Variants in LHFPL3 observed in about 807,000 individuals in gnomAD.
LHFPL3 encodes LHFPL tetraspan subfamily member 3, also known as LHFPL tetraspan subfamily member 3 protein.
A neutral mutation model predicts 19.3 loss-of-function variants in LHFPL3; 5 were observed. The observed-to-expected ratio is 0.26, with a 90% CI of 0.14 to 0.54. The LOEUF (loss-of-function observed/expected upper bound fraction) is 0.54. LHFPL3 is among the 20% of genes least tolerant of loss of function. The pLI, the probability that LHFPL3 is intolerant of heterozygous loss-of-function variation, is 0.94. For missense variants in LHFPL3, 249 were observed against 307.4 expected, an observed-to-expected ratio of 0.81 and a Z score of 1.42; for synonymous variants, 133 against 126.2, an observed-to-expected ratio of 1.05 and a Z score of -0.36.
intron 1 of LHFPL3, among the ~76,000 whole-genome samples, chr7:104,421,665 G>A (rs1791735645): frequency 6.6e-6 from 1 of 152,154 alleles, no homozygotes; most frequent in Non-Finnish European, 1.5e-5. Context: ...AGATAAGATA[G>A]ATCTCCGCAG....
intron 1 of LHFPL3, among the ~76,000 whole-genome samples, chr7:104,395,334 T>A (rs1584290566): frequency 6.6e-6 from 1 of 152,222 alleles, no homozygotes; most frequent in East Asian, 1.9e-4. Context: ...TAGGTAATAA[T>A]TGCAGTAGCA....
chr7:104,388,446 G>A (rs974368961), intron 1 of LHFPL3, among the ~76,000 whole-genome samples: 2 of 151,980 alleles, frequency 1.3e-5, no homozygotes, highest in Non-Finnish European at 2.9e-5. Context: ...AGTCCAGAAG[G>A]CAGTGGAATG....
At chr7:104,374,140 G>A (rs1790662896) in intron 1 of LHFPL3, among the ~76,000 whole-genome samples, 1 of 151,344 alleles carries the variant, frequency 6.6e-6, no homozygotes, top group Non-Finnish European at 1.5e-5. Flanking sequence ...TACCAAGCTG[G>A]GAATAAACAT....
At chr7:104,335,849 G>A (rs1186409819) in intron 1 of LHFPL3, among the ~76,000 whole-genome samples, 48 of 95,250 alleles carry the variant, frequency 5.0e-4, no homozygotes, top group Non-Finnish European at 4.1e-5. Context: ...TTCAAAGGGA[G>A]TAAAATGAAA....
At chr7:104,445,268 G>A (rs919196010) in intron 1 of LHFPL3, among the ~76,000 whole-genome samples, 2 of 152,174 alleles carry the variant, frequency 1.3e-5, no homozygotes, top group Non-Finnish European at 2.9e-5. Flanking sequence ...AGAAGCTTCA[G>A]TATATAGTGA....
intron 2 of LHFPL3, among the ~76,000 whole-genome samples, chr7:104,822,778 A>G (rs751175309): frequency 6.6e-6 from 1 of 152,186 alleles, no homozygotes; most frequent in South Asian, 2.1e-4. Flanking sequence ...GCAAGGGGCA[A>G]ACACAGGGAG....
chr7:104,450,755 A>T (rs1260628735), intron 1 of LHFPL3, among the ~76,000 whole-genome samples: 1 of 152,190 alleles, frequency 6.6e-6, no homozygotes, highest in Non-Finnish European at 1.5e-5. Flanking sequence ...AACTAGCAAC[A>T]TTCTATTAAG....
chr7:104,693,418 A>T (rs1214260984), intron 1 of LHFPL3, among the ~76,000 whole-genome samples: 1 of 152,134 alleles, frequency 6.6e-6, no homozygotes, highest in Non-Finnish European at 1.5e-5. Flanking sequence ...TTCCCACCCA[A>T]ATCTCATCTT....
intron 1 of LHFPL3, among the ~76,000 whole-genome samples, chr7:104,503,821 C>T (rs1793647976): frequency 6.6e-6 from 1 of 152,220 alleles, no homozygotes; most frequent in Admixed American, 6.5e-5. Flanking sequence ...CTGCTCACCT[C>T]ACCCTCCCAA....
chr7:104,565,826 C>A (rs747274699), intron 1 of LHFPL3, among the ~76,000 whole-genome samples: 11 of 151,852 alleles, frequency 7.2e-5, no homozygotes, highest in Non-Finnish European at 1.6e-4. Flanking sequence ...TGCCATATGA[C>A]CTATCACTCC....
intron 2 of LHFPL3, among the ~76,000 whole-genome samples, chr7:104,792,394 C>T (rs976813174): frequency 1.3e-5 from 2 of 152,218 alleles, no homozygotes; most frequent in Admixed American, 6.5e-5. Flanking sequence ...TAGAATTCTC[C>T]GTGAGTCCAG....
chr7:104,883,414 T>C (rs1440060703), intron 2 of LHFPL3, among the ~76,000 whole-genome samples: 3 of 152,186 alleles, frequency 2.0e-5, no homozygotes, highest in Non-Finnish European at 2.9e-5. Context: ...GAGTGCATGA[T>C]GAATTGTATT....
At chr7:104,775,086 T>C in intron 2 of LHFPL3, among the ~76,000 whole-genome samples, 1 of 152,166 alleles carries the variant, frequency 6.6e-6, no homozygotes, top group Non-Finnish European at 1.5e-5. Context: ...TAATACAGTA[T>C]ATGTTTGACA....
At chr7:104,384,814 A>G (rs1790904161) in intron 1 of LHFPL3, among the ~76,000 whole-genome samples, 1 of 151,328 alleles carries the variant, frequency 6.6e-6, no homozygotes, top group South Asian at 2.1e-4. Context: ...AAAAAAAAGA[A>G]GAATGAATAT....
intron 1 of LHFPL3, among the ~76,000 whole-genome samples, chr7:104,454,142 G>C (rs1792496957): frequency 6.6e-6 from 1 of 152,210 alleles, no homozygotes; most frequent in South Asian, 2.1e-4. Context: ...TAACCAAAGA[G>C]GGAGATGGAG....
At chr7:104,515,273 A>G (rs563338401) in intron 1 of LHFPL3, among the ~76,000 whole-genome samples, 2 of 152,296 alleles carry the variant, frequency 1.3e-5, no homozygotes, top group African/African-American at 4.8e-5. Flanking sequence ...ATTCCCTGAG[A>G]TGTTTCACTC....
intron 2 of LHFPL3, among the ~76,000 whole-genome samples, chr7:104,903,056 C>T (rs1792523035): frequency 6.6e-6 from 1 of 152,190 alleles, no homozygotes; most frequent in Non-Finnish European, 1.5e-5. Context: ...TCCTTCTCCC[C>T]TCTACCTCCC....
At chr7:104,685,484 A>G (rs868251460) in intron 1 of LHFPL3, among the ~76,000 whole-genome samples, 6 of 152,302 alleles carry the variant, frequency 3.9e-5, no homozygotes, top group Non-Finnish European at 7.4e-5. Context: ...AGGCAATAAC[A>G]TGACCCAAGC....
intron 1 of LHFPL3, among the ~76,000 whole-genome samples, chr7:104,360,330 A>G (rs1014843035): frequency 1.2e-4 from 19 of 152,172 alleles, no homozygotes; most frequent in Non-Finnish European, 1.9e-4. Context: ...CTTGCTGTGC[A>G]CCTGCTCATA....
Sources: allele counts gnomAD v4.1 joint callset (sites outside exome capture counted in the v4.1 genomes callset), GRCh38; gene constraint gnomAD v4.1.1; transcripts MANE v1.5; gene names NCBI Gene and HGNC (gene_info 2026-07-23, HGNC 2026-07-21).